MAP7: variants seen among roughly 807,000 people sequenced by gnomAD.
The protein encoded by MAP7 is ensconsin.
In MAP7, 52 loss-of-function variants were observed where a neutral mutation model predicts 94.8. The ratio of observed to expected loss-of-function variants is 0.55; its 90% CI spans 0.44 to 0.69. MAP7 has a LOEUF of 0.69. Among genes scored for constraint, MAP7 ranks in the 30% least tolerant of loss-of-function variants. The pLI is 0.00. For missense variants in MAP7, 940 were observed against 964.6 expected, an observed-to-expected ratio of 0.97 and a Z score of 0.34; for synonymous variants, 350 against 357.0, an observed-to-expected ratio of 0.98 and a Z score of 0.22.
chr6:136,522,128 G>A lies in MAP7; in HGVS notation c.67+28214C>T, dbSNP rs1826555245. ...TCACCGTCTAAGGCAGGTTTGCCTT[G>A]AGACCTATCCAAGGGCATTTAGTTA... On this transcript the variant is annotated intron_variant, in intron 1 of 17. Coordinates refer to ENST00000354570, the MANE Select transcript of MAP7 (RefSeq NM_003980.6). Among the ~76,000 whole-genome samples, 3 of 152,274 alleles carry A rather than the reference G, an allele frequency of 2.0e-5. No homozygotes were observed. In the South Asian group the frequency reaches 6.2e-4, roughly 32 times the overall value.
At chr6:136,346,454 C>G (rs1787729796) in intron 16 of MAP7, among the ~76,000 whole-genome samples, 1 of 152,106 alleles carries the variant, frequency 6.6e-6, no homozygotes, top group Admixed American at 6.6e-5. Context: ...CCAAGCTACT[C>G]TGGCAGTCGA....
chr6:136,371,700 C>T (rs1562323953), intron 8 of MAP7, among the ~76,000 whole-genome samples: 1 of 152,214 alleles, frequency 6.6e-6, no homozygotes, highest in African/African-American at 2.4e-5. Flanking sequence ...TTCTAGTTCA[C>T]TGGTGAGTCC....
chr6:136,495,405 G>T (rs1817877009), intron 1 of MAP7, among the ~76,000 whole-genome samples: 1 of 150,284 alleles, frequency 6.7e-6, no homozygotes, highest in African/African-American at 2.5e-5. Context: ...CCAGATTCTG[G>T]GTTTAAATAC....
chr6:136,408,702 A>ATT (rs59965942), intron 3 of MAP7, among the ~76,000 whole-genome samples: 7 of 149,060 alleles, frequency 4.7e-5, no homozygotes, highest in Non-Finnish European at 1.0e-4. Flanking sequence ...ATTACCAACT[A>ATT]TTTTTTTTTT....
chr6:136,376,383 G>C (rs1253318713), intron 7 of MAP7, among the ~76,000 whole-genome samples: 3 of 152,260 alleles, frequency 2.0e-5, no homozygotes, highest in Non-Finnish European at 2.9e-5. Flanking sequence ...ACAGGCGTGA[G>C]CCACCACGCC....
intron 1 of MAP7, among the ~76,000 whole-genome samples, chr6:136,482,094 G>C (rs531107368): frequency 2.0e-3 from 297 of 152,268 alleles, no homozygotes; most frequent in Non-Finnish European, 3.0e-3. Context: ...ACACCAGTCA[G>C]AAAGGCTCTT....
chr6:136,446,251 A>G (rs1030337795), intron 1 of MAP7, among the ~76,000 whole-genome samples: 1 of 151,932 alleles, frequency 6.6e-6, no homozygotes, highest in African/African-American at 2.4e-5. Context: ...TAGGGCACAG[A>G]TCATCAGAGG....
At chr6:136,362,375 C>T in intron 11 of MAP7, 75 bp downstream of exon 11, 2 of 1,546,700 alleles carry the variant, frequency 1.3e-6, no homozygotes, top group South Asian at 1.2e-5. Flanking sequence ...TTATCACCTC[C>T]TCCCTCTCAG....
chr6:136,396,796 A>C (rs1782613943), intron 3 of MAP7, among the ~76,000 whole-genome samples: 1 of 152,244 alleles, frequency 6.6e-6, no homozygotes, highest in African/African-American at 2.4e-5. Context: ...AAGATTAACA[A>C]AATAATTACA....
intron 12 of MAP7, 95 bp downstream of exon 12, chr6:136,360,910 G>T (rs1792483955): frequency 1.9e-6 from 3 of 1,543,290 alleles, no homozygotes; most frequent in Middle Eastern, 2.2e-4. Context: ...TGTGGAAAGC[G>T]GGAGCACCAG....
At chr6:136,543,489 A>C (rs2129061161) in intron 1 of MAP7, among the ~76,000 whole-genome samples, 1 of 152,226 alleles carries the variant, frequency 6.6e-6, no homozygotes, top group East Asian at 1.9e-4. Flanking sequence ...CATCTCTACT[A>C]AAAATACAAA....
At chr6:136,398,662 A>C (rs1403353203) in intron 3 of MAP7, among the ~76,000 whole-genome samples, 1 of 152,186 alleles carries the variant, frequency 6.6e-6, no homozygotes, top group Non-Finnish European at 1.5e-5. Flanking sequence ...TGCTCTTGCC[A>C]CCACCATGTA....
At chr6:136,421,827 A>G (rs1222594592) in intron 1 of MAP7, 28 bp from the exon 2 acceptor site, 1 of 1,545,830 alleles carries the variant, frequency 6.5e-7, no homozygotes, top group South Asian at 1.2e-5. Flanking sequence ...AAGAGAAAAG[A>G]CACATTTAGT....
intron 1 of MAP7, among the ~76,000 whole-genome samples, chr6:136,454,454 G>A (rs1053091088): frequency 1.3e-5 from 2 of 151,914 alleles, no homozygotes; most frequent in African/African-American, 4.8e-5. Context: ...CTACAGGCAC[G>A]TGACACTATG....
intron 3 of MAP7, among the ~76,000 whole-genome samples, chr6:136,407,333 A>G (rs10484489): frequency 0.74 from 112,142 of 152,192 alleles, 42,525 homozygotes; most frequent in Middle Eastern, 0.85. Context: ...GTAGTGTATA[A>G]AACAGCAGTA....
rs12529819 is a variant in MAP7 at position 136,446,831 on chromosome 6, G to C, written c.68-25032C>G. On this transcript the variant is annotated intron_variant, in intron 1 of 17. Coordinates refer to ENST00000354570, the MANE Select transcript of MAP7 (RefSeq NM_003980.6). ...TAGACACCCATATTCGAAAAAGTCA[G>C]TGATGTATACATTGAGGCTCAGTCT... 0.012 allele frequency among the ~76,000 whole-genome samples: 1,891 copies of C among 152,322 alleles called. 83 individuals carry two copies. In the East Asian group the frequency reaches 0.14, roughly 11 times the overall value.
chr6:136,500,278 C>A (rs529276228), intron 1 of MAP7, among the ~76,000 whole-genome samples: 3 of 152,332 alleles, frequency 2.0e-5, no homozygotes, highest in Admixed American at 1.3e-4. Context: ...ATAAAAATTT[C>A]AAATTCTACA....
intron 1 of MAP7, among the ~76,000 whole-genome samples, chr6:136,484,279 A>G (rs1004926982): frequency 6.6e-6 from 1 of 152,248 alleles, no homozygotes; most frequent in Non-Finnish European, 1.5e-5. Context: ...AAAGTAAAAT[A>G]AAAGCTAACT....
At chr6:136,541,166 A>C (rs574525909) in intron 1 of MAP7, among the ~76,000 whole-genome samples, 1 of 152,284 alleles carries the variant, frequency 6.6e-6, no homozygotes, top group East Asian at 1.9e-4. Context: ...AGAAGCCCAG[A>C]TTCGAATCTT....
Sources: allele counts gnomAD v4.1 joint callset (sites outside exome capture counted in the v4.1 genomes callset), GRCh38; gene constraint gnomAD v4.1.1; transcripts MANE v1.5; gene names NCBI Gene and HGNC (gene_info 2026-07-23, HGNC 2026-07-21).